Variants in GPHN observed in about 807,000 individuals in gnomAD.
GPHN encodes gephyrin.
Under a neutral mutation model 95.5 loss-of-function variants are expected in GPHN, and 17 were observed. The observed-to-expected ratio is 0.18, with a 90% CI of 0.12 to 0.27. The LOEUF is 0.27. Ranked by LOEUF, GPHN falls within the 10% of genes least tolerant of loss-of-function variation. The probability of loss-of-function intolerance (pLI) is 1.00; values close to 1 mark genes in which losing one functional copy is unlikely to be tolerated. For missense variants in GPHN, 660 were observed against 978.1 expected, an observed-to-expected ratio of 0.67 and a Z score of 4.34; for synonymous variants, 320 against 322.5, an observed-to-expected ratio of 0.99 and a Z score of 0.08.
At chr14:66,981,787 G>C (rs2070698699) in intron 9 of GPHN, among the ~76,000 whole-genome samples, 1 of 152,098 alleles carries the variant, frequency 6.6e-6, no homozygotes, top group African/African-American at 2.4e-5. Flanking sequence ...GGAGAGAAGG[G>C]GAGAAGGTCT....
the GPHN span, chr14:67,690,528 C>A: frequency 2.3e-6 from 2 of 882,902 alleles, no homozygotes; most frequent in Admixed American, 4.6e-5. Context: ...GAAATAAGGT[C>A]TTTCCCTCCA....
At chr14:67,203,457 T>C in the GPHN span, among the ~76,000 whole-genome samples, 1 of 152,218 alleles carries the variant, frequency 6.6e-6, no homozygotes, top group Admixed American at 6.5e-5. Flanking sequence ...GGTGAAATCA[T>C]GTATGACAAT....
downstream of GPHN, among the ~76,000 whole-genome samples, chr14:67,182,554 AAAT>A (rs542050418): frequency 4.3e-3 from 656 of 152,332 alleles, 2 homozygotes; most frequent in Non-Finnish European, 7.0e-3. Flanking sequence ...AAGAGTATGC[AAAT>A]AATCCTTTTA....
At chr14:67,118,995 A>G (rs993480911) in intron 16 of GPHN, among the ~76,000 whole-genome samples, 1 of 152,178 alleles carries the variant, frequency 6.6e-6, no homozygotes, top group Non-Finnish European at 1.5e-5. Context: ...TTTGAGGACT[A>G]GGGTTGGCCA....
intron 11 of GPHN, among the ~76,000 whole-genome samples, chr14:67,074,186 CTT>C (rs35887611): frequency 0.025 from 3,660 of 144,110 alleles, 66 homozygotes; most frequent in Non-Finnish European, 0.037. Context: ...GCAGATATTC[CTT>C]TTTTTTTTTT....
chr14:66,693,468 G>A (rs552391679), intron 2 of GPHN, among the ~76,000 whole-genome samples: 9 of 152,230 alleles, frequency 5.9e-5, no homozygotes, highest in African/African-American at 1.9e-4. Context: ...ATATACATAC[G>A]GGATTTATTA....
chr14:67,021,856 C>T (rs958388230), intron 9 of GPHN, among the ~76,000 whole-genome samples: 9 of 152,080 alleles, frequency 5.9e-5, no homozygotes, highest in African/African-American at 2.2e-4. Flanking sequence ...CATTCGCAAA[C>T]ATTGCTTTGC....
At chr14:67,356,393 C>T in the GPHN span, among the ~76,000 whole-genome samples, 1 of 151,178 alleles carries the variant, frequency 6.6e-6, no homozygotes, top group Non-Finnish European at 1.5e-5. Flanking sequence ...TGCACTCCAG[C>T]CTGGGCAACA....
At chr14:67,297,916 C>T in the GPHN span, among the ~76,000 whole-genome samples, 1 of 152,148 alleles carries the variant, frequency 6.6e-6, no homozygotes, top group East Asian at 1.9e-4. Flanking sequence ...ATCAAATGTT[C>T]AGTCTTATGA....
At chr14:67,055,228 AAAAT>A (rs2075502702) in intron 10 of GPHN, among the ~76,000 whole-genome samples, 1 of 151,826 alleles carries the variant, frequency 6.6e-6, no homozygotes, top group South Asian at 2.1e-4. Flanking sequence ...CTACAAGAAA[AAAAT>A]AACCCCATTT....
chr14:67,039,769 G>A (rs185141405), intron 10 of GPHN, among the ~76,000 whole-genome samples: 74 of 152,242 alleles, frequency 4.9e-4, no homozygotes, highest in Admixed American at 4.6e-4. Flanking sequence ...TTCCAGCCTG[G>A]GCAACAGAGC....
chr14:67,598,913 T>C, the GPHN span, among the ~76,000 whole-genome samples: 2 of 147,546 alleles, frequency 1.4e-5, no homozygotes, highest in Non-Finnish European at 3.0e-5. Flanking sequence ...TTTCACCATG[T>C]TGGCCAGGCT....
chr14:67,496,941 G>A, the GPHN span, among the ~76,000 whole-genome samples: 1 of 152,064 alleles, frequency 6.6e-6, no homozygotes, highest in East Asian at 1.9e-4. Context: ...AGGATTACAG[G>A]TGCCCGCCAC....
chr14:66,998,671 T>C (rs1026342483), intron 9 of GPHN, among the ~76,000 whole-genome samples: 5 of 151,984 alleles, frequency 3.3e-5, no homozygotes, highest in African/African-American at 7.2e-5. Flanking sequence ...CCTTCACTAT[T>C]GTAGAAATTA....
intron 1 of GPHN, among the ~76,000 whole-genome samples, chr14:66,529,102 A>G (rs879357815): frequency 6.6e-5 from 10 of 152,156 alleles, no homozygotes; most frequent in African/African-American, 9.7e-5. Context: ...ATGTACACCA[A>G]TCAAACGTAG....
intron 3 of GPHN, among the ~76,000 whole-genome samples, chr14:66,820,260 T>G (rs1022615808): frequency 1.3e-5 from 2 of 152,158 alleles, no homozygotes; most frequent in African/African-American, 4.8e-5. Context: ...AGTGCTTATT[T>G]CAAACTTGTT....
chr14:66,910,569 A>G (rs1333322281), intron 5 of GPHN, among the ~76,000 whole-genome samples: 1 of 151,966 alleles, frequency 6.6e-6, no homozygotes, highest in African/African-American at 2.4e-5. Context: ...ATTAGCTTTC[A>G]AATGTTTTTG....
At chr14:67,558,338 C>T in the GPHN span, among the ~76,000 whole-genome samples, 1 of 152,198 alleles carries the variant, frequency 6.6e-6, no homozygotes, top group Non-Finnish European at 1.5e-5. Context: ...GCCTTCCAAC[C>T]ATAATGGGCA....
chr14:67,200,933 C>G, the GPHN span, among the ~76,000 whole-genome samples: 1 of 152,304 alleles, frequency 6.6e-6, no homozygotes, highest in East Asian at 1.9e-4. Flanking sequence ...ATGCACAACC[C>G]CACCTGGTTA....
Sources: gnomAD v4.1 joint callset for allele counts (sites outside exome capture counted in the v4.1 genomes callset) on GRCh38, gnomAD v4.1.1 for gene constraint, MANE v1.5 for transcripts, NCBI Gene and HGNC (gene_info 2026-07-23, HGNC 2026-07-21) for gene names.